CHST11: variants seen among roughly 807,000 people sequenced by gnomAD.
CHST11 encodes C4S-1.
CHST11 carries 9 observed loss-of-function variants against 30.4 expected under a neutral mutation model. That is an observed-to-expected ratio of 0.30 (90% CI 0.18 to 0.52). The LOEUF is 0.52. Ranked by LOEUF, CHST11 falls within the 20% of genes least tolerant of loss-of-function variation. CHST11 has a pLI of 0.97. For synonymous variants in CHST11, 152 were observed against 187.8 expected (o/e 0.81, Z 1.56); for missense variants, 348 against 460.6 (o/e 0.76, Z 2.24).
intron 2 of CHST11, among the ~76,000 whole-genome samples, chr12:104,633,412 C>CTTTTTTTTTTT (rs34686417): frequency 1.8e-5 from 2 of 111,880 alleles, no homozygotes; most frequent in African/African-American, 3.5e-5. Flanking sequence ...CTCCCTCTGT[C>CTTTTTTTTTTT]TTTTTTTTTT....
chr12:104,521,837 C>T (rs2038076159), intron 1 of CHST11, among the ~76,000 whole-genome samples: 1 of 152,184 alleles, frequency 6.6e-6, no homozygotes, highest in Non-Finnish European at 1.5e-5. Context: ...TATCTTGTTT[C>T]CCTGCCAGTG....
intron 1 of CHST11, among the ~76,000 whole-genome samples, chr12:104,532,949 A>G (rs2038200374): frequency 6.6e-6 from 1 of 151,310 alleles, no homozygotes; most frequent in African/African-American, 2.4e-5. Flanking sequence ...TTTTCTTTTT[A>G]TTTCCTTTTA....
intron 2 of CHST11, among the ~76,000 whole-genome samples, chr12:104,643,169 T>C (rs1300811209): frequency 2.0e-5 from 3 of 151,494 alleles, no homozygotes; most frequent in Admixed American, 6.6e-5. Flanking sequence ...TACAAAAAAA[T>C]TAAAAAATTA....
At chr12:104,577,789 C>G (rs2038699673) in intron 1 of CHST11, among the ~76,000 whole-genome samples, 2 of 152,192 alleles carry the variant, frequency 1.3e-5, no homozygotes, top group Non-Finnish European at 2.9e-5. Context: ...GCCGCTGACT[C>G]AAGACCGATC....
chr12:104,506,884 C>T (rs2037912416), intron 1 of CHST11, among the ~76,000 whole-genome samples: 1 of 152,080 alleles, frequency 6.6e-6, no homozygotes, highest in South Asian at 2.1e-4. Context: ...GAACAGTCGA[C>T]CTCTAAATGG....
At chr12:104,527,098 A>G (rs542096371) in intron 1 of CHST11, among the ~76,000 whole-genome samples, 1 of 152,334 alleles carries the variant, frequency 6.6e-6, no homozygotes, top group East Asian at 1.9e-4. Flanking sequence ...CCTAACCCCC[A>G]ATGCCTCAGA....
At chr12:104,718,256 C>A (rs2040147011) in intron 2 of CHST11, among the ~76,000 whole-genome samples, 1 of 152,206 alleles carries the variant, frequency 6.6e-6, no homozygotes, top group African/African-American at 2.4e-5. Flanking sequence ...TTGCCTGAAG[C>A]CACACAGTCT....
intron 2 of CHST11, among the ~76,000 whole-genome samples, chr12:104,727,096 A>G (rs368399953): frequency 9.2e-5 from 14 of 152,160 alleles, no homozygotes; most frequent in African/African-American, 3.4e-4. Flanking sequence ...TTATTTGGCC[A>G]TCCACCCCCA....
intron 2 of CHST11, among the ~76,000 whole-genome samples, chr12:104,668,004 G>A (rs1482758274): frequency 1.3e-5 from 2 of 152,154 alleles, no homozygotes; most frequent in African/African-American, 2.4e-5. Flanking sequence ...GTCTTTAGGA[G>A]GGAGTCTAGC....
intron 2 of CHST11, among the ~76,000 whole-genome samples, chr12:104,706,494 G>C (rs2040037282): frequency 6.6e-6 from 1 of 152,004 alleles, no homozygotes; most frequent in Non-Finnish European, 1.5e-5. Context: ...ATGATATATA[G>C]AGTGGTCAGC....
Position 104,759,741 on chromosome 12 carries a change from C to T in CHST11, c.*1938C>T, listed in dbSNP as rs1166033202. 6.6e-6 allele frequency: 1 copy of T among 152,116 alleles called. No individual in the cohort carries two copies. The highest frequency in any genetic ancestry group is 1.5e-5 in the Non-Finnish European group (1 of 68,030). The allele number at this position is 152,116 out of a possible 1,614,324, so 9.4% of individuals were successfully genotyped here. ...CGTTGTGTACCTTCTTCCGAGCTCT[C>T]TCCCCTTTGTGAAGGGCGCAGCAAC... On this transcript the variant is annotated 3_prime_UTR_variant, in exon 3 of 3. Coordinates refer to ENST00000303694, the MANE Select transcript of CHST11 (RefSeq NM_018413.6).
At chr12:104,636,189 G>A (rs368954340) in intron 2 of CHST11, among the ~76,000 whole-genome samples, 3 of 152,112 alleles carry the variant, frequency 2.0e-5, no homozygotes, top group African/African-American at 4.8e-5. Flanking sequence ...TTGGCCTCCC[G>A]TGTCCTCATT....
intron 2 of CHST11, among the ~76,000 whole-genome samples, chr12:104,633,469 C>A (rs1404903692): frequency 8.2e-6 from 1 of 121,456 alleles, no homozygotes; most frequent in Non-Finnish European, 1.6e-5. Context: ...GGCTGAAGTT[C>A]AGTCGCGTGA....
At chr12:104,533,034 C>A (rs917413216) in intron 1 of CHST11, among the ~76,000 whole-genome samples, 4 of 152,204 alleles carry the variant, frequency 2.6e-5, no homozygotes, top group Non-Finnish European at 4.4e-5. Flanking sequence ...CCTCAGCCTC[C>A]TGAGTAGCTG....
At chr12:104,540,784 C>T (rs907382521) in intron 1 of CHST11, among the ~76,000 whole-genome samples, 1 of 152,136 alleles carries the variant, frequency 6.6e-6, no homozygotes, top group Admixed American at 6.5e-5. Context: ...TCCAGACGGC[C>T]CAGGGTGAGC....
chr12:104,634,922 G>GATTCATTC (rs1487547138), intron 2 of CHST11, among the ~76,000 whole-genome samples: 2 of 152,042 alleles, frequency 1.3e-5, no homozygotes, highest in Non-Finnish European at 2.9e-5. Flanking sequence ...TTCATTTGTT[G>GATTCATTC]AGTCATTCAT....
chr12:104,594,488 C>T (rs2038889771), intron 1 of CHST11, among the ~76,000 whole-genome samples: 1 of 152,162 alleles, frequency 6.6e-6, no homozygotes, highest in African/African-American at 2.4e-5. Context: ...AGGATTGAAC[C>T]ATGTCTAAGC....
At chr12:104,566,489 G>C (rs2038568207) in intron 1 of CHST11, among the ~76,000 whole-genome samples, 1 of 152,190 alleles carries the variant, frequency 6.6e-6, no homozygotes, top group Non-Finnish European at 1.5e-5. Flanking sequence ...CATGCTGGGA[G>C]ATAGTCCTCC....
At chr12:104,559,021 T>C (rs1469175907) in intron 1 of CHST11, among the ~76,000 whole-genome samples, 3 of 151,868 alleles carry the variant, frequency 2.0e-5, no homozygotes, top group Non-Finnish European at 4.4e-5. Flanking sequence ...ACGGTAGGCT[T>C]CTGAGGCAGG....
Sources: gnomAD v4.1 joint callset for allele counts (sites outside exome capture counted in the v4.1 genomes callset) on GRCh38, gnomAD v4.1.1 for gene constraint, MANE v1.5 for transcripts, NCBI Gene and HGNC (gene_info 2026-07-23, HGNC 2026-07-21) for gene names.